The following RBFOX1 variants were observed in gnomAD, a reference collection of about 807,000 sequenced individuals.
RBFOX1 encodes RNA binding fox-1 homolog 1.
A neutral mutation model predicts 57.7 loss-of-function variants in RBFOX1; 8 were observed. That is an observed-to-expected ratio of 0.14 (90% CI 0.08 to 0.25). RBFOX1 has a LOEUF of 0.25. Among genes scored for constraint, RBFOX1 ranks in the 10% least tolerant of loss-of-function variants. The pLI is 1.00. For missense variants in RBFOX1, 611 were observed against 548.5 expected (o/e 1.11, Z -1.14); for synonymous variants, 326 against 222.4 (o/e 1.47, Z -4.15).
At position 5,245,619 on chromosome 16, in the gene RBFOX1, T is replaced by C. The variant is rs188732032; in HGVS notation, c.219+5514T>C. Among the ~76,000 whole-genome samples, 585 of 152,274 alleles carry C rather than the reference T, an allele frequency of 3.8e-3. 4 individuals carry two copies. Among genetic ancestry groups the C allele is most frequent in the African/African-American group, 0.013 (538 of 41,566 alleles). On this transcript the variant is annotated intron_variant, in intron 1 of 2. Coordinates refer to the RBFOX1 transcript ENST00000585867. ...ACCACCATGCCTGACTTTTGTATTT[T>C]TAGTAGAGATGAGGTTTGGCCAGGC...
intron 3 of RBFOX1, among the ~76,000 whole-genome samples, chr16:6,930,062 C>G (rs1049016249): frequency 2.0e-5 from 3 of 152,160 alleles, no homozygotes; most frequent in African/African-American, 2.4e-5. Flanking sequence ...CCATAGCAAA[C>G]CAGCCCTGCT....
At chr16:5,648,851 G>C (rs144639921) in intron 3 of RBFOX1, among the ~76,000 whole-genome samples, 56 of 152,192 alleles carry the variant, frequency 3.7e-4, no homozygotes, top group African/African-American at 1.3e-3. Context: ...ATCACTTGAG[G>C]TCAGGAGTTT....
At position 5,284,005 on chromosome 16, in the gene RBFOX1, G is replaced by A. The variant is rs753639437; in HGVS notation, c.219+43900G>A. Among the ~76,000 whole-genome samples the A allele has an allele frequency of 2.3e-4, 35 of 152,230 alleles. 1 individual carries two copies. In the Middle Eastern group the frequency reaches 0.017, roughly 75 times the overall value. ...CCACATGTTATTGGAGGGACCTAGT[G>A]GGAAGTAATTGAGTCATGGGGGCAT... On this transcript the variant is annotated intron_variant, in intron 1 of 2. Coordinates refer to the RBFOX1 transcript ENST00000585867.
At chr16:5,900,292 A>G (rs2058275120) in intron 4 of RBFOX1, among the ~76,000 whole-genome samples, 1 of 152,216 alleles carries the variant, frequency 6.6e-6, no homozygotes, top group Admixed American at 6.5e-5. Flanking sequence ...GATGCTTAGC[A>G]TATTACTCAT....
chr16:6,533,556 G>A (rs2096690993), intron 2 of RBFOX1, among the ~76,000 whole-genome samples: 1 of 151,920 alleles, frequency 6.6e-6, no homozygotes, highest in South Asian at 2.1e-4. Context: ...TAAGACCCAA[G>A]ACATATGGTA....
At chr16:7,629,959 C>CA (rs1484859053) in intron 10 of RBFOX1, among the ~76,000 whole-genome samples, 1 of 152,088 alleles carries the variant, frequency 6.6e-6, no homozygotes, top group African/African-American at 2.4e-5. Flanking sequence ...CCAGGGATGG[C>CA]AAAAAGTTGC....
intron 2 of RBFOX1, among the ~76,000 whole-genome samples, chr16:6,570,699 G>A (rs917003486): frequency 3.3e-5 from 5 of 152,098 alleles, no homozygotes; most frequent in Non-Finnish European, 4.4e-5. Flanking sequence ...TGCAGTATCC[G>A]CCAACTTCCT....
chr16:5,997,158 C>T (rs949540049), intron 4 of RBFOX1, among the ~76,000 whole-genome samples: 6 of 152,034 alleles, frequency 3.9e-5, no homozygotes, highest in African/African-American at 7.2e-5. Flanking sequence ...GAAGCACCTC[C>T]GTCTCTGCTG....
At chr16:7,329,276 A>G (rs1423955503) in intron 4 of RBFOX1, among the ~76,000 whole-genome samples, 2 of 152,180 alleles carry the variant, frequency 1.3e-5, no homozygotes, top group African/African-American at 4.8e-5. Flanking sequence ...TTTCTTAGCC[A>G]CTACCAGAAC....
intron 2 of RBFOX1, among the ~76,000 whole-genome samples, chr16:6,357,089 A>C (rs896272585): frequency 6.6e-6 from 1 of 151,104 alleles, no homozygotes; most frequent in African/African-American, 2.4e-5. Flanking sequence ...AGCAGCGCTC[A>C]CTCTCCCCAG....
At chr16:7,570,929 G>T (rs920681274) in intron 5 of RBFOX1, among the ~76,000 whole-genome samples, 2 of 152,152 alleles carry the variant, frequency 1.3e-5, no homozygotes, top group African/African-American at 4.8e-5. Flanking sequence ...TATGTTCTTT[G>T]CAAGGACAGT....
intron 4 of RBFOX1, among the ~76,000 whole-genome samples, chr16:7,095,495 C>T (rs926562680): frequency 6.6e-6 from 1 of 152,154 alleles, no homozygotes; most frequent in Non-Finnish European, 1.5e-5. Flanking sequence ...TAATTTTTAT[C>T]TGTGATGTGG....
intron 3 of RBFOX1, among the ~76,000 whole-genome samples, chr16:7,003,670 G>C (rs1333016868): frequency 1.3e-5 from 2 of 152,030 alleles, no homozygotes; most frequent in Non-Finnish European, 2.9e-5. Flanking sequence ...AGCATCAAAG[G>C]AACATAGGAA....
chr16:6,956,006 T>G (rs1363984381), intron 3 of RBFOX1, among the ~76,000 whole-genome samples: 2 of 152,174 alleles, frequency 1.3e-5, no homozygotes. Context: ...AGACCCGGCC[T>G]CCATCACTTT....
At chr16:6,167,296 C>G (rs1170362463) in intron 1 of RBFOX1, among the ~76,000 whole-genome samples, 1 of 152,116 alleles carries the variant, frequency 6.6e-6, no homozygotes, top group Non-Finnish European at 1.5e-5. Context: ...TTGCACCTAC[C>G]CTTTGACGTA....
chr16:6,812,039 G>C (rs895359567), intron 3 of RBFOX1, among the ~76,000 whole-genome samples: 7 of 152,178 alleles, frequency 4.6e-5, no homozygotes, highest in Admixed American at 6.5e-5. Flanking sequence ...CAGTACAAGA[G>C]TGTTGGTTGG....
intron 4 of RBFOX1, among the ~76,000 whole-genome samples, chr16:7,063,471 C>T (rs998128175): frequency 2.0e-5 from 3 of 152,112 alleles, no homozygotes; most frequent in African/African-American, 7.2e-5. Flanking sequence ...ATAACAAGTG[C>T]CATTTCCTCA....
intron 14 of RBFOX1, among the ~76,000 whole-genome samples, chr16:7,696,392 G>A (rs564078871): frequency 1.3e-5 from 2 of 152,252 alleles, no homozygotes; most frequent in South Asian, 2.1e-4. Flanking sequence ...TGAAAAGGGA[G>A]TAAATGATTT....
intron 2 of RBFOX1, among the ~76,000 whole-genome samples, chr16:6,486,659 A>T (rs35278837): frequency 0.23 from 33,617 of 148,632 alleles, 4,396 homozygotes; most frequent in Non-Finnish European, 0.3. Flanking sequence ...TAATTTTATT[A>T]TTTTTTTTTT....
Sources: allele counts gnomAD v4.1 joint callset (sites outside exome capture counted in the v4.1 genomes callset), GRCh38; gene constraint gnomAD v4.1.1; transcripts MANE v1.5; gene names NCBI Gene and HGNC (gene_info 2026-07-23, HGNC 2026-07-21).